SEC63: variants seen among roughly 807,000 people sequenced by gnomAD.
SEC63 encodes the protein translocation protein SEC63 homolog.
SEC63 carries 56 observed loss-of-function variants against 116.2 expected under a neutral mutation model. The observed-to-expected ratio is 0.48, with a 90% CI of 0.39 to 0.60. SEC63 has a LOEUF of 0.60. Ranked by LOEUF, SEC63 falls within the 20% of genes least tolerant of loss-of-function variation. The pLI, the probability that SEC63 is intolerant of heterozygous loss-of-function variation, is 0.00. For synonymous variants in SEC63, 273 were observed against 294.6 expected (o/e 0.93, Z 0.75); for missense variants, 668 against 900.0 (o/e 0.74, Z 3.30).
At chr6:107,914,213 T>C (rs1787348899) in intron 4 of SEC63, among the ~76,000 whole-genome samples, 1 of 152,072 alleles carries the variant, frequency 6.6e-6, no homozygotes, top group Non-Finnish European at 1.5e-5. Context: ...TACAAAAATA[T>C]ACAATGTAGT....
intron 1 of SEC63, among the ~76,000 whole-genome samples, chr6:107,937,197 A>G (rs890513393): frequency 2.1e-5 from 3 of 144,650 alleles, no homozygotes; most frequent in African/African-American, 7.8e-5. Flanking sequence ...ATCTCAGCTC[A>G]TTGCAACCTC....
chr6:107,938,688 C>G (rs1770310061), intron 1 of SEC63, among the ~76,000 whole-genome samples: 1 of 151,682 alleles, frequency 6.6e-6, no homozygotes, highest in Non-Finnish European at 1.5e-5. Context: ...TCCCGAGTAG[C>G]TGGGATTACA....
intron 1 of SEC63, among the ~76,000 whole-genome samples, chr6:107,954,191 A>C (rs1001924230): frequency 2.0e-5 from 3 of 152,116 alleles, no homozygotes; most frequent in Admixed American, 6.5e-5. Context: ...TCTCTGAAAC[A>C]TGTGCTGTGT....
At chr6:107,932,403 T>A (rs1787832113) in intron 1 of SEC63, 1 of 152,224 alleles carries the variant, frequency 6.6e-6, no homozygotes, top group African/African-American at 2.4e-5. Context: ...CCAACTACCT[T>A]GTTACCACCA....
chr6:107,956,074 C>T (rs1400473387), intron 1 of SEC63: 2 of 352,240 alleles, frequency 5.7e-6, no homozygotes, highest in Non-Finnish European at 1.2e-5. Flanking sequence ...GAAGCAAGTT[C>T]AAGACCAGCC....
chr6:107,872,787 T>C (rs1203787656), intron 20 of SEC63, 21 bp downstream of exon 20: 5 of 1,302,746 alleles, frequency 3.8e-6, no homozygotes, highest in Admixed American at 1.8e-5. Flanking sequence ...CTCTTATTTA[T>C]TGAAGAGTCA....
intron 12 of SEC63, 27 bp from the exon 13 acceptor site, chr6:107,901,544 A>G (rs1472378427): frequency 4.1e-6 from 6 of 1,448,520 alleles, no homozygotes; most frequent in South Asian, 3.7e-5. Context: ...AAGAAAATAC[A>G]TAATTCCCTA....
intron 1 of SEC63, among the ~76,000 whole-genome samples, chr6:107,953,412 G>C (rs1159770264): frequency 1.3e-5 from 2 of 151,710 alleles, no homozygotes; most frequent in Admixed American, 6.6e-5. Context: ...TCAGCCCCCC[G>C]CCCGGCCAGC....
intron 2 of SEC63, among the ~76,000 whole-genome samples, chr6:107,925,952 A>C (rs1008383768): frequency 6.6e-6 from 1 of 152,130 alleles, no homozygotes; most frequent in East Asian, 1.9e-4. Context: ...TGAGTAGCTG[A>C]AACTACAAGC....
chr6:107,951,705 C>T lies in SEC63; in HGVS notation c.124+6181G>A, dbSNP rs866392846. Among the ~76,000 whole-genome samples the T allele has an allele frequency of 3.9e-5, 6 of 152,220 alleles. 1 individual carries two copies. The Middle Eastern group carries it at 0.02, about 518-fold the overall frequency. On this transcript the variant is annotated intron_variant, in intron 1 of 20. Transcript: ENST00000369002. ...GTTTTAAAAAGTTCCCGAAGTGGGC[C>T]GGGCGCGGTGGCTCAAGCCTGTAAT...
chr6:107,872,985 C>CCA (rs1462416061), intron 19 of SEC63, 73 bp from the exon 20 acceptor site: 8 of 954,718 alleles, frequency 8.4e-6, no homozygotes, highest in East Asian at 2.6e-5. Flanking sequence ...AATTCCTAGA[C>CCA]CACAGTATTT....
intron 19 of SEC63, among the ~76,000 whole-genome samples, chr6:107,874,257 T>A (rs191165813): frequency 5.3e-4 from 80 of 152,066 alleles, no homozygotes; most frequent in Admixed American, 2.2e-3. Context: ...ACAAAACACC[T>A]TGCCTGGATT....
At chr6:107,924,603 T>C (rs953297117) in intron 3 of SEC63, among the ~76,000 whole-genome samples, 1 of 152,170 alleles carries the variant, frequency 6.6e-6, no homozygotes. Context: ...TCAAATATTC[T>C]TATATTTTAG....
intron 4 of SEC63, among the ~76,000 whole-genome samples, chr6:107,915,861 G>A (rs1046965964): frequency 6.6e-6 from 1 of 152,100 alleles, no homozygotes; most frequent in East Asian, 1.9e-4. Context: ...TTATATTTAT[G>A]CAAGTTACAT....
intron 16 of SEC63, among the ~76,000 whole-genome samples, chr6:107,891,832 G>A (rs1296303421): frequency 1.3e-5 from 2 of 152,176 alleles, no homozygotes; most frequent in African/African-American, 4.8e-5. Flanking sequence ...CAGGTCTGCT[G>A]GAGTTTGCTG....
intron 19 of SEC63, among the ~76,000 whole-genome samples, chr6:107,875,462 C>T (rs1387542910): frequency 6.6e-6 from 1 of 152,056 alleles, no homozygotes; most frequent in Admixed American, 6.5e-5. Context: ...TTTGGGAGGC[C>T]AAAGCAGGCG....
At chr6:107,894,772 T>C (rs1333789298) in intron 14 of SEC63, among the ~76,000 whole-genome samples, 1 of 146,224 alleles carries the variant, frequency 6.8e-6, no homozygotes, top group African/African-American at 2.5e-5. Flanking sequence ...ACCACTTGCC[T>C]TTTTTTTTTT....
chr6:107,877,054 CAT>C (rs1236446088), intron 18 of SEC63: 33 of 129,808 alleles, frequency 2.5e-4, no homozygotes, highest in Admixed American at 1.9e-3. Context: ...GTGGAAGGAA[CAT>C]ATATATATGT....
intron 1 of SEC63, among the ~76,000 whole-genome samples, chr6:107,935,091 G>T (rs1308713150): frequency 2.8e-5 from 4 of 142,218 alleles, no homozygotes; most frequent in Non-Finnish European, 6.2e-5. Context: ...CCCTCTGCCT[G>T]GCCAGCTGCC....
Sources: allele counts gnomAD v4.1 joint callset (sites outside exome capture counted in the v4.1 genomes callset), GRCh38; gene constraint gnomAD v4.1.1; transcripts MANE v1.5; gene names NCBI Gene and HGNC (gene_info 2026-07-23, HGNC 2026-07-21).